PBX1: variants seen among roughly 807,000 people sequenced by gnomAD.
PBX1 encodes the protein PBX homeobox 1, also known as pre-B-cell leukemia transcription factor 1.
A neutral mutation model predicts 53.4 loss-of-function variants in PBX1; 6 were observed. That is an observed-to-expected ratio of 0.11 (90% CI 0.06 to 0.22). The LOEUF is 0.22. Among genes scored for constraint, PBX1 ranks in the 10% least tolerant of loss-of-function variants. The pLI is 1.00. For synonymous variants in PBX1, 204 were observed against 212.3 expected (o/e 0.96, Z 0.34); for missense variants, 251 against 551.4 (o/e 0.46, Z 5.46).
At chr1:164,700,667 G>A in intron 2 of PBX1, 1 of 985,378 alleles carries the variant, frequency 1.0e-6, no homozygotes, top group South Asian at 4.7e-5. Flanking sequence ...TGGAGACCCT[G>A]CAGCAGATAG....
At chr1:164,638,067 C>T (rs1658893086) in intron 2 of PBX1, among the ~76,000 whole-genome samples, 1 of 152,204 alleles carries the variant, frequency 6.6e-6, no homozygotes, top group African/African-American at 2.4e-5. Context: ...CGAAATTCAG[C>T]CTTTTTCTTT....
At chr1:164,758,989 G>T (rs1666670164) in intron 2 of PBX1, among the ~76,000 whole-genome samples, 1 of 152,172 alleles carries the variant, frequency 6.6e-6, no homozygotes, top group Admixed American at 6.5e-5. Flanking sequence ...CAAGAGACTG[G>T]CTACCCTTGG....
intron 2 of PBX1, among the ~76,000 whole-genome samples, chr1:164,624,510 C>A (rs1271117345): frequency 6.6e-6 from 1 of 152,192 alleles, no homozygotes; most frequent in East Asian, 1.9e-4. Context: ...CATGGTGATT[C>A]TCAATTTGTG....
chr1:164,868,682 G>T (rs983324665), intron 2 of PBX1, among the ~76,000 whole-genome samples: 4 of 152,178 alleles, frequency 2.6e-5, no homozygotes, highest in Non-Finnish European at 5.9e-5. Context: ...ATACACAGTG[G>T]CAAGGACTCA....
chr1:164,711,949 C>T (rs74117995), intron 2 of PBX1, among the ~76,000 whole-genome samples: 126 of 152,176 alleles, frequency 8.3e-4, no homozygotes, highest in African/African-American at 2.9e-3. Flanking sequence ...TGAATTTTGT[C>T]TGAAGAGTAG....
intron 8 of PBX1, among the ~76,000 whole-genome samples, chr1:164,827,047 A>C (rs1670505047): frequency 6.6e-6 from 1 of 152,190 alleles, no homozygotes; most frequent in South Asian, 2.1e-4. Flanking sequence ...ATAGTATATA[A>C]ATCATTAGGA....
intron 2 of PBX1, among the ~76,000 whole-genome samples, chr1:164,655,480 G>A (rs1421216380): frequency 6.6e-6 from 1 of 152,122 alleles, no homozygotes; most frequent in Non-Finnish European, 1.5e-5. Flanking sequence ...GTCTGGCTTT[G>A]GGAGTAGAAA....
chr1:164,742,556 CA>C (rs1665669646), intron 2 of PBX1, among the ~76,000 whole-genome samples: 1 of 152,056 alleles, frequency 6.6e-6, no homozygotes, highest in African/African-American at 2.4e-5. Flanking sequence ...AAAAGGATCA[CA>C]AAACTTGGTT....
chr1:164,777,759 G>A (rs183092428), intron 2 of PBX1, among the ~76,000 whole-genome samples: 1 of 152,336 alleles, frequency 6.6e-6, no homozygotes, highest in East Asian at 1.9e-4. Flanking sequence ...TTGTTTGAAT[G>A]TTTACCTAAA....
chr1:164,661,271 C>T (rs1016736756), intron 2 of PBX1, among the ~76,000 whole-genome samples: 21 of 152,114 alleles, frequency 1.4e-4, no homozygotes, highest in African/African-American at 3.6e-4. Context: ...TGAATCCAGC[C>T]GAGGGCCTCT....
intron 2 of PBX1, among the ~76,000 whole-genome samples, chr1:164,881,667 G>A (rs1403851671): frequency 7.1e-6 from 1 of 140,534 alleles, no homozygotes; most frequent in Non-Finnish European, 1.6e-5. Flanking sequence ...AGGAAGGAAG[G>A]AGAGAGCTAG....
Position 164,848,176 on chromosome 1 carries a change from T to A in PBX1, c.*1500T>A. 1 of 1,049,710 alleles carries A rather than the reference T, an allele frequency of 9.5e-7. No homozygotes were observed. 65.0% of individuals were successfully genotyped at this position (1,049,710 alleles called of 1,614,324 possible). On this transcript the variant is annotated 3_prime_UTR_variant, in exon 9 of 9. Coordinates refer to ENST00000420696, the MANE Select transcript of PBX1 (RefSeq NM_002585.4). Reference sequence around the variant, plus strand: ...TTGAAATCATCACAGTGATTTTTATTCCCTGGGAACACAGCGTGTACTAAA... The same window carrying A: ...TTGAAATCATCACAGTGATTTTTATACCCTGGGAACACAGCGTGTACTAAA...
At position 164,698,719 on chromosome 1, in the gene PBX1, A is replaced by G. The variant is rs192064565; in HGVS notation, c.266-93775A>G. ...TGATTTCAAATATGATTCTAATTGT[A>G]TGTTTATCTGGCTTCCTAGCCTGTG... On this transcript the variant is annotated intron_variant, in intron 2 of 8. Coordinates refer to ENST00000420696, the MANE Select transcript of PBX1 (RefSeq NM_002585.4). 8.8e-4 allele frequency among the ~76,000 whole-genome samples: 134 copies of G among 152,298 alleles called. 2 individuals are homozygous for G. Among genetic ancestry groups the G allele is most frequent in the African/African-American group, 2.7e-3 (113 of 41,562 alleles).
chr1:164,707,613 G>T (rs1405311875), intron 2 of PBX1, among the ~76,000 whole-genome samples: 2 of 152,070 alleles, frequency 1.3e-5, no homozygotes, highest in African/African-American at 4.8e-5. Context: ...AGCTTGTCTC[G>T]GGAATGCAGC....
intron 2 of PBX1, among the ~76,000 whole-genome samples, chr1:164,881,215 G>A (rs1480792542): frequency 1.3e-5 from 2 of 152,010 alleles, no homozygotes; most frequent in African/African-American, 4.8e-5. Context: ...GTGCTAAAAT[G>A]TAAACCCCCC....
chr1:164,772,744 G>A (rs1667440318), intron 2 of PBX1, among the ~76,000 whole-genome samples: 1 of 152,172 alleles, frequency 6.6e-6, no homozygotes, highest in African/African-American at 2.4e-5. Flanking sequence ...AGGATAGTTG[G>A]GTGGCCCCAG....
chr1:164,659,585 G>A (rs1045327782), intron 2 of PBX1, among the ~76,000 whole-genome samples: 3 of 152,196 alleles, frequency 2.0e-5, no homozygotes, highest in Non-Finnish European at 2.9e-5. Context: ...GTTTGGGAAG[G>A]ACATCTTTTT....
At chr1:164,786,625 A>C (rs1248062657) in intron 2 of PBX1, among the ~76,000 whole-genome samples, 1 of 151,534 alleles carries the variant, frequency 6.6e-6, no homozygotes, top group South Asian at 2.1e-4. Context: ...TTCCATTACT[A>C]TCTGATTGTT....
intron 2 of PBX1, among the ~76,000 whole-genome samples, chr1:164,705,466 T>C (rs1385496392): frequency 1.3e-5 from 2 of 152,216 alleles, no homozygotes; most frequent in Non-Finnish European, 2.9e-5. Flanking sequence ...AAATTTTTCA[T>C]ATAAATTTTG....
Sources: gnomAD v4.1 joint callset for allele counts (sites outside exome capture counted in the v4.1 genomes callset) on GRCh38, gnomAD v4.1.1 for gene constraint, MANE v1.5 for transcripts, NCBI Gene and HGNC (gene_info 2026-07-23, HGNC 2026-07-21) for gene names.